Variants in SVOPL observed in about 807,000 individuals in gnomAD.
SVOPL encodes SVOP like, also known as putative transporter SVOPL.
SVOPL carries 60 observed loss-of-function variants against 61.0 expected under a neutral mutation model. The observed-to-expected ratio is 0.98, with a 90% CI of 0.80 to 1.22. SVOPL has a LOEUF of 1.22. Ranked by LOEUF, SVOPL falls within the 50% of genes most tolerant of loss-of-function variation. SVOPL has a pLI of 0.00. For missense variants in SVOPL, 662 were observed against 643.9 expected, an observed-to-expected ratio of 1.03 and a Z score of -0.30; for synonymous variants, 279 against 250.0, an observed-to-expected ratio of 1.12 and a Z score of -1.09.
chr7:138,676,946 A>T (rs7799867), intron 3 of SVOPL, among the ~76,000 whole-genome samples: 1 of 142,756 alleles, frequency 7.0e-6, no homozygotes, highest in Non-Finnish European at 1.5e-5. Flanking sequence ...CTCTGTCATC[A>T]GGGCTGGAGT....
At chr7:138,610,620 C>T (rs991034439) in intron 14 of SVOPL, among the ~76,000 whole-genome samples, 1 of 152,156 alleles carries the variant, frequency 6.6e-6, no homozygotes, top group East Asian at 1.9e-4. Flanking sequence ...AAATTAGAGG[C>T]TAAGATCCTC....
chr7:138,604,162 C>G (rs1354304509), intron 14 of SVOPL, among the ~76,000 whole-genome samples: 2 of 151,794 alleles, frequency 1.3e-5, no homozygotes, highest in Non-Finnish European at 2.9e-5. Context: ...TGGGGTCCCA[C>G]TGTGTTGCTC....
intron 3 of SVOPL, among the ~76,000 whole-genome samples, chr7:138,673,519 C>T (rs1355151805): frequency 3.3e-5 from 5 of 151,844 alleles, no homozygotes; most frequent in African/African-American, 4.8e-5. Flanking sequence ...TAGTGGGACA[C>T]GGTACTGCAC....
intron 14 of SVOPL, among the ~76,000 whole-genome samples, chr7:138,611,974 G>A (rs185757422): frequency 0.01 from 255 of 24,290 alleles, 26 homozygotes; most frequent in African/African-American, 0.027. Flanking sequence ...GCGGGGAAAG[G>A]ATTGGGAAAT....
chr7:138,678,669 C>T (rs1357321681), intron 2 of SVOPL, 144 bp from the exon 3 acceptor site: 8 of 753,854 alleles, frequency 1.1e-5, no homozygotes, highest in African/African-American at 1.8e-5. Context: ...CCTACTGGTC[C>T]AAGCAATTCT....
chr7:138,660,278 G>T, intron 5 of SVOPL: 1 of 1,131,160 alleles, frequency 8.8e-7, no homozygotes, highest in Non-Finnish European at 1.1e-6. Flanking sequence ...GCAAAAACGT[G>T]TCCTCCCTAC....
chr7:138,687,622 G>A (rs1802848847), intron 1 of SVOPL, among the ~76,000 whole-genome samples: 1 of 148,040 alleles, frequency 6.8e-6, no homozygotes, highest in African/African-American at 2.5e-5. Flanking sequence ...CCACACTTGG[G>A]CAAAAAACAA....
chr7:138,597,878 A>G (rs1798346075), intron 14 of SVOPL, among the ~76,000 whole-genome samples: 1 of 152,118 alleles, frequency 6.6e-6, no homozygotes, highest in African/African-American at 2.4e-5. Context: ...CACCACATTT[A>G]AAGTCCTGGG....
chr7:138,596,609 C>G, intron 14 of SVOPL, 79 bp from the exon 15 acceptor site: 7 of 1,536,024 alleles, frequency 4.6e-6, no homozygotes, highest in Non-Finnish European at 6.2e-6. Flanking sequence ...AGAGAAAATA[C>G]AGATTCACTT....
chr7:138,677,199 C>T (rs1022604451), intron 3 of SVOPL, among the ~76,000 whole-genome samples: 14 of 152,228 alleles, frequency 9.2e-5, no homozygotes, highest in African/African-American at 3.1e-4. Context: ...CCACTGCGCC[C>T]GGCCTCCTGC....
chr7:138,611,410 A>G (rs1798995570), intron 14 of SVOPL, among the ~76,000 whole-genome samples: 1 of 152,040 alleles, frequency 6.6e-6, no homozygotes, highest in Non-Finnish European at 1.5e-5. Flanking sequence ...AAACAAAACA[A>G]AACAAAACAA....
rs61171485 is a variant in SVOPL at position 138,648,533 on chromosome 7, CAAAAAAAAA to C, written c.660+470_660+478del. On this transcript the variant is annotated intron_variant, in intron 8 of 15. Coordinates refer to ENST00000674285, the MANE Select transcript of SVOPL (RefSeq NM_001139456.2). ...TGAAACACTGTCTCTACTAAAAATCCAAAAAAAAAAAAAAAAAAAAAAAAATTAGTCAGG... is the reference window on the plus strand; with the variant it reads ...TGAAACACTGTCTCTACTAAAAATCCAAAAAAAAAAAAAAAATTAGTCAGG... Among the ~76,000 whole-genome samples the C allele has an allele frequency of 5.4e-4, 40 of 73,796 alleles. No individual in the cohort carries two copies. The Middle Eastern group carries it at 0.033, about 61-fold the overall frequency. The allele number at this position is 73,796 out of a possible 152,430, so 48.4% of individuals were successfully genotyped here.
At chr7:138,641,863 A>G (rs1462414087) in intron 9 of SVOPL, among the ~76,000 whole-genome samples, 1 of 142,166 alleles carries the variant, frequency 7.0e-6, no homozygotes, top group African/African-American at 2.5e-5. Flanking sequence ...TATATAGTCA[A>G]TGAGTGTGTA....
At chr7:138,664,877 T>G in intron 4 of SVOPL, among the ~76,000 whole-genome samples, 1 of 73,934 alleles carries the variant, frequency 1.4e-5, no homozygotes. Context: ...CCTCGACCTT[T>G]CCCCCATAAC....
intron 9 of SVOPL, among the ~76,000 whole-genome samples, chr7:138,638,310 A>G (rs1800604591): frequency 6.6e-6 from 1 of 151,480 alleles, no homozygotes. Flanking sequence ...AACCAAATTA[A>G]CACAATAGAA....
chr7:138,668,761 G>A (rs1050907432), intron 4 of SVOPL, among the ~76,000 whole-genome samples: 8 of 152,152 alleles, frequency 5.3e-5, no homozygotes, highest in Admixed American at 1.3e-4. Flanking sequence ...GCCACCTTCC[G>A]GGGCTACTCC....
chr7:138,699,500 C>T (rs113342404), intron 1 of SVOPL, among the ~76,000 whole-genome samples: 23 of 152,172 alleles, frequency 1.5e-4, no homozygotes, highest in African/African-American at 5.3e-4. Context: ...CATGGGTAAA[C>T]TTGAGTGGTG....
chr7:138,624,146 T>C (rs530144495), intron 13 of SVOPL, among the ~76,000 whole-genome samples: 1 of 152,340 alleles, frequency 6.6e-6, no homozygotes, highest in Non-Finnish European at 1.5e-5. Flanking sequence ...AGGAATTTCA[T>C]GTTGTAATTC....
chr7:138,622,421 A>G (rs1053865553), intron 13 of SVOPL, among the ~76,000 whole-genome samples: 33 of 152,000 alleles, frequency 2.2e-4, no homozygotes, highest in African/African-American at 7.7e-4. Flanking sequence ...CAGCCTCCCA[A>G]GTAGCTGGGA....
Sources: allele counts gnomAD v4.1 joint callset (sites outside exome capture counted in the v4.1 genomes callset), GRCh38; gene constraint gnomAD v4.1.1; transcripts MANE v1.5; gene names NCBI Gene and HGNC (gene_info 2026-07-23, HGNC 2026-07-21).